The following NT5C3A variants were observed in gnomAD, a reference collection of about 807,000 sequenced individuals.
NT5C3A encodes 5'-nucleotidase, cytosolic IIIA.
In NT5C3A, 23 loss-of-function variants were observed where a neutral mutation model predicts 40.0. The ratio of observed to expected loss-of-function variants is 0.58; its 90% CI spans 0.41 to 0.81. The LOEUF (loss-of-function observed/expected upper bound fraction) is 0.81, where lower values mean the gene tolerates loss of function less well. Among genes scored for constraint, NT5C3A ranks in the 40% least tolerant of loss-of-function variants. NT5C3A has a pLI of 0.00. For synonymous variants in NT5C3A, 130 were observed against 141.4 expected, an observed-to-expected ratio of 0.92 and a Z score of 0.57; for missense variants, 328 against 403.0, an observed-to-expected ratio of 0.81 and a Z score of 1.59.
chr7:33,046,936 G>A (rs535979291), intron 1 of NT5C3A, among the ~76,000 whole-genome samples: 7 of 150,910 alleles, frequency 4.6e-5, no homozygotes, highest in South Asian at 4.2e-4. Context: ...CTGGAGTAGT[G>A]GGGACCACAG....
chr7:33,016,508 A>G (rs1785336083), intron 7 of NT5C3A, among the ~76,000 whole-genome samples: 1 of 151,502 alleles, frequency 6.6e-6, no homozygotes, highest in Admixed American at 6.6e-5. Flanking sequence ...GTCTCTATTA[A>G]GAAAACAAAA....
At chr7:33,035,040 A>C (rs749579398) in intron 1 of NT5C3A, among the ~76,000 whole-genome samples, 7 of 152,212 alleles carry the variant, frequency 4.6e-5, no homozygotes, top group Admixed American at 6.5e-5. Flanking sequence ...GAGTAGATCA[A>C]TATTTAATGA....
At chr7:33,027,758 G>A (rs919899383) in intron 1 of NT5C3A, among the ~76,000 whole-genome samples, 24 of 151,966 alleles carry the variant, frequency 1.6e-4, no homozygotes, top group Admixed American at 3.9e-4. Context: ...GATGACTCCC[G>A]TTAAGCCTCC....
At chr7:33,022,821 A>G (rs942479349) in intron 3 of NT5C3A, among the ~76,000 whole-genome samples, 4 of 152,120 alleles carry the variant, frequency 2.6e-5, no homozygotes, top group Non-Finnish European at 4.4e-5. Flanking sequence ...CTTAGTCACC[A>G]TTATTTTTGT....
At chr7:33,020,894 A>G (rs939830069) in intron 5 of NT5C3A, among the ~76,000 whole-genome samples, 3 of 152,042 alleles carry the variant, frequency 2.0e-5, no homozygotes, top group Non-Finnish European at 2.9e-5. Context: ...ATGCAACCAA[A>G]GGTCGATTTT....
At chr7:33,016,840 T>C (rs993425907) in intron 7 of NT5C3A, among the ~76,000 whole-genome samples, 5 of 152,184 alleles carry the variant, frequency 3.3e-5, no homozygotes, top group Non-Finnish European at 7.4e-5. Context: ...CACTTCTTTT[T>C]CCAACTATGA....
chr7:33,041,205 A>C, intron 1 of NT5C3A: 1 of 918,232 alleles, frequency 1.1e-6, no homozygotes, highest in Non-Finnish European at 1.3e-6. Context: ...ATTCCTTTCC[A>C]CCTGGTTTGT....
intron 1 of NT5C3A, among the ~76,000 whole-genome samples, chr7:33,061,913 A>G (rs978587125): frequency 3.7e-4 from 56 of 152,354 alleles, no homozygotes; most frequent in African/African-American, 1.3e-3. Context: ...ACCCTCTTCA[A>G]TAAAAAATTA....
intron 1 of NT5C3A, among the ~76,000 whole-genome samples, chr7:33,028,492 G>A (rs1237062817): frequency 1.3e-5 from 2 of 152,154 alleles, no homozygotes; most frequent in Non-Finnish European, 2.9e-5. Context: ...GGCAATAATA[G>A]TACCTCAAAT....
At chr7:33,043,612 G>C (rs560141029) in intron 1 of NT5C3A, among the ~76,000 whole-genome samples, 1 of 152,332 alleles carries the variant, frequency 6.6e-6, no homozygotes, top group East Asian at 1.9e-4. Flanking sequence ...ATCAAGAGGA[G>C]TGTTGGTCTC....
At chr7:33,043,508 T>G (rs1319848360) in intron 1 of NT5C3A, among the ~76,000 whole-genome samples, 1 of 152,202 alleles carries the variant, frequency 6.6e-6, no homozygotes, top group African/African-American at 2.4e-5. Context: ...TCTGAAACAA[T>G]GTTTCTAATG....
chr7:33,015,398 A>T (rs1030808408), intron 8 of NT5C3A, among the ~76,000 whole-genome samples: 2 of 151,972 alleles, frequency 1.3e-5, no homozygotes, highest in African/African-American at 4.8e-5. Context: ...ATTCATCTCT[A>T]AAAAAAATTT....
intron 1 of NT5C3A, among the ~76,000 whole-genome samples, chr7:33,059,822 G>A (rs774854851): frequency 6.6e-5 from 10 of 152,190 alleles, no homozygotes; most frequent in South Asian, 2.1e-4. Flanking sequence ...CATACCTGTT[G>A]CTAGTGCCAT....
In NT5C3A at chr7:33,021,223, T is replaced by A. The variant is rs781223718; in HGVS notation, c.440+49A>T. On this transcript the variant is annotated intron_variant, in intron 5 of 8. Coordinates refer to ENST00000610140, the MANE Select transcript of NT5C3A (RefSeq NM_001002010.5). ...TAAGCCATCAGTTGTAACTGCAGTG[T>A]TGTTTTATTATTTTTTTTTAATCCT... 1.9e-6 allele frequency: 3 copies of A among 1,606,348 alleles called. No individual in the cohort carries two copies. In the East Asian group the frequency reaches 6.7e-5, roughly 36 times the overall value.
intron 7 of NT5C3A, among the ~76,000 whole-genome samples, chr7:33,016,950 A>C (rs1285616599): frequency 6.6e-6 from 1 of 152,086 alleles, no homozygotes; most frequent in African/African-American, 2.4e-5. Flanking sequence ...TGGGAGGCCA[A>C]GGTGGGAGGA....
At chr7:33,033,352 C>T (rs961158367) in intron 1 of NT5C3A, among the ~76,000 whole-genome samples, 1 of 152,320 alleles carries the variant, frequency 6.6e-6, no homozygotes, top group Middle Eastern at 3.4e-3. Flanking sequence ...GAAGATTATG[C>T]ACTACTAAAT....
intron 6 of NT5C3A, among the ~76,000 whole-genome samples, chr7:33,018,376 G>A (rs1159019343): frequency 6.6e-6 from 1 of 152,184 alleles, no homozygotes; most frequent in Non-Finnish European, 1.5e-5. Context: ...ATAGGTTAAA[G>A]AATGCTAATG....
Position 33,060,741 on chromosome 7 carries a change from G to A in NT5C3A, c.138+1827C>T, listed in dbSNP as rs73305403. On this transcript the variant is annotated intron_variant, in intron 1 of 8. Coordinates refer to ENST00000610140, the MANE Select transcript of NT5C3A (RefSeq NM_001002010.5). Reference sequence around the variant, plus strand: ...ATTTTTCTGAGGGAGGAGGGCAGAGGATGGGCAGAGCAGACCTACATTATT... The same window carrying A: ...ATTTTTCTGAGGGAGGAGGGCAGAGAATGGGCAGAGCAGACCTACATTATT... 3.4e-3 allele frequency among the ~76,000 whole-genome samples: 512 copies of A among 152,212 alleles called. 1 individual carries two copies. Among genetic ancestry groups the A allele is most frequent in the African/African-American group, 0.012 (486 of 41,522 alleles).
intron 3 of NT5C3A, among the ~76,000 whole-genome samples, chr7:33,022,953 T>A (rs961197872): frequency 6.6e-6 from 1 of 151,992 alleles, no homozygotes. Context: ...GGTCTTGTTT[T>A]GTCATCCAGG....
Sources: allele counts gnomAD v4.1 joint callset (sites outside exome capture counted in the v4.1 genomes callset), GRCh38; gene constraint gnomAD v4.1.1; transcripts MANE v1.5; gene names NCBI Gene and HGNC (gene_info 2026-07-23, HGNC 2026-07-21).